JADE2: variants seen among roughly 807,000 people sequenced by gnomAD.
The protein encoded by JADE2 is jade family PHD finger 2.
Under a neutral mutation model 85.7 loss-of-function variants are expected in JADE2, and 13 were observed. The observed-to-expected ratio is 0.15, with a 90% confidence interval of 0.10 to 0.24. The LOEUF is 0.24. Ranked by LOEUF, JADE2 falls within the 10% of genes least tolerant of loss-of-function variation. The pLI is 1.00. For missense variants in JADE2, 846 were observed against 1,115.9 expected, an observed-to-expected ratio of 0.76 and a Z score of 3.45; for synonymous variants, 440 against 456.1, an observed-to-expected ratio of 0.96 and a Z score of 0.45.
rs538029970 is a variant in JADE2, at chr5:134,554,300, G to A, written c.311+2091G>A. The stretch of plus-strand genomic sequence containing the variant: ...GTCTGGGGTCTTCGGAGAATCAGGG[G>A]TGCCCCAGGCCTCTCCAGAAGTGAG... On this transcript the variant is annotated intron_variant, in intron 4 of 11. Transcript: ENST00000681547. Among the ~76,000 whole-genome samples, 20 of 152,258 alleles carry A rather than the reference G, an allele frequency of 1.3e-4. No homozygotes were observed. The South Asian group carries it at 2.7e-3, about 21-fold the overall frequency.
At chr5:134,549,576 G>A (rs1267382403) in intron 3 of JADE2, among the ~76,000 whole-genome samples, 1 of 152,040 alleles carries the variant, frequency 6.6e-6, no homozygotes, top group East Asian at 1.9e-4. Context: ...AGAATCGTTT[G>A]AACCCAGGAG....
At chr5:134,554,720 A>G (rs1377156911) in intron 4 of JADE2, among the ~76,000 whole-genome samples, 1 of 152,010 alleles carries the variant, frequency 6.6e-6, no homozygotes, top group Non-Finnish European at 1.5e-5. Flanking sequence ...GTGCTCCCTT[A>G]GAGACATCTC....
At chr5:134,536,979 T>G (rs970408032) in intron 2 of JADE2, among the ~76,000 whole-genome samples, 9 of 152,198 alleles carry the variant, frequency 5.9e-5, no homozygotes, top group Non-Finnish European at 1.0e-4. Context: ...TCATTTGTTG[T>G]CCTTTGGGCT....
Position 134,578,430 on chromosome 5 carries a change from G to A in JADE2, c.1682-64G>A. On this transcript the variant is annotated intron_variant, in intron 11 of 11. Transcript: ENST00000681547. This position sits in a 1 kb window ranked among gnomAD's most constrained non-coding sequence, Gnocchi z 4.4. The stretch of plus-strand genomic sequence containing the variant: ...CTGGTGGTGTGCTGGGAGCGTCAGT[G>A]GGCTTCCTGAAAGGGTGGGACACAC... 1 of 1,256,510 alleles carries A rather than the reference G, an allele frequency of 8.0e-7. No homozygotes were observed. The allele number at this position is 1,256,510 out of a possible 1,614,324, so 77.8% of individuals were successfully genotyped here.
rs1581483777 is a variant in JADE2, at chr5:134,574,218, T to C, written c.1552+456T>C. 3 of 249,474 alleles carry C rather than the reference T, an allele frequency of 1.2e-5. No homozygotes were observed. The East Asian group carries it at 4.0e-4, about 33-fold the overall frequency. 15.5% of individuals were successfully genotyped at this position (249,474 alleles called of 1,614,324 possible). A position where few individuals can be genotyped will look rare whatever the true frequency, so the allele number is the denominator to read the frequency against. The stretch of plus-strand genomic sequence containing the variant: ...ACAGGACCTGGCTGTTGTTTCTCTC[T>C]GACCCTAACAGGATTTATGCCCTGC... On this transcript the variant is annotated intron_variant, in intron 10 of 11. Coordinates refer to ENST00000681547, the MANE Select transcript of JADE2 (RefSeq NM_001388185.1).
intron 1 of JADE2, chr5:134,526,880 C>T (rs914533906): frequency 1.0e-5 from 6 of 600,758 alleles, no homozygotes; most frequent in African/African-American, 8.0e-5. Flanking sequence ...TGGAAATGTA[C>T]CGGCGGCGGC....
chr5:134,556,267 C>CG (rs935019847), intron 4 of JADE2, among the ~76,000 whole-genome samples: 3 of 152,324 alleles, frequency 2.0e-5, no homozygotes, highest in South Asian at 2.1e-4. Flanking sequence ...TGGCAACCAG[C>CG]GGGGGGTGGG....
intron 1 of JADE2, among the ~76,000 whole-genome samples, chr5:134,527,072 G>T (rs1021842672): frequency 3.9e-5 from 6 of 152,188 alleles, no homozygotes; most frequent in Non-Finnish European, 8.8e-5. Flanking sequence ...ACCCCGTTTG[G>T]GACGCACACA....
rs1025249789 is a variant in JADE2 at position 134,548,192 on chromosome 5, G to C, written c.154-3860G>C. ...GACTGGAGGCCTCGGAACTTGCAAA[G>C]ACCACAGTCGGATTTGCATATTTCA... On this transcript the variant is annotated intron_variant, in intron 3 of 11. Coordinates refer to ENST00000681547, the MANE Select transcript of JADE2 (RefSeq NM_001388185.1). 3.3e-5 allele frequency among the ~76,000 whole-genome samples: 5 copies of C among 152,328 alleles called. No individual in the cohort carries two copies. In the East Asian group the frequency reaches 9.7e-4, roughly 29 times the overall value.
chr5:134,577,117 C>A, intron 11 of JADE2: 1 of 528,826 alleles, frequency 1.9e-6, no homozygotes, highest in South Asian at 2.5e-5. Flanking sequence ...CGTCTGTAGA[C>A]CTGGATGGAG....
intron 4 of JADE2, among the ~76,000 whole-genome samples, chr5:134,555,004 A>G (rs1762825603): frequency 6.6e-6 from 1 of 152,144 alleles, no homozygotes; most frequent in Non-Finnish European, 1.5e-5. Context: ...ACCGGGGCCT[A>G]GTGGGCTGGG....
intron 3 of JADE2, among the ~76,000 whole-genome samples, chr5:134,541,260 G>A (rs1200027124): frequency 1.3e-5 from 2 of 152,378 alleles, no homozygotes; most frequent in African/African-American, 4.8e-5. Flanking sequence ...TCCTCTAAGT[G>A]ACAAGGTTGA....
intron 2 of JADE2, 28 bp from the exon 3 acceptor site, chr5:134,537,961 C>T: frequency 6.4e-7 from 1 of 1,568,708 alleles, no homozygotes; most frequent in Admixed American, 1.7e-5. Context: ...CCCTCCAGGA[C>T]CCCTAATGGA....
chr5:134,543,322 G>A (rs1420721090), intron 3 of JADE2, among the ~76,000 whole-genome samples: 1 of 151,436 alleles, frequency 6.6e-6, no homozygotes, highest in East Asian at 2.0e-4. Context: ...GAGCCACTGT[G>A]CCCCCTAGTA....
chr5:134,526,860 G>T (rs1760862794), intron 1 of JADE2: 3 of 737,066 alleles, frequency 4.1e-6, no homozygotes, highest in South Asian at 6.1e-5. Context: ...GGGGAGAGGC[G>T]CTGGGAGAGT....
At chr5:134,567,773 G>C (rs1033135591) in intron 9 of JADE2, among the ~76,000 whole-genome samples, 2 of 152,232 alleles carry the variant, frequency 1.3e-5, no homozygotes, top group African/African-American at 2.4e-5. Flanking sequence ...CTGCTCAAGA[G>C]GGAAATGACC....
At chr5:134,539,043 T>TTTTATTTATTTATTTA (rs58839611) in intron 3 of JADE2, among the ~76,000 whole-genome samples, 49,386 of 134,164 alleles carry the variant, frequency 0.37, 9,756 homozygotes, top group South Asian at 0.43. Context: ...TTTATTTTTA[T>TTTTATTTATTTATTTA]TTTATTTATT....
intron 1 of JADE2, among the ~76,000 whole-genome samples, chr5:134,527,005 C>T (rs531020534): frequency 1.2e-4 from 18 of 152,338 alleles, no homozygotes; most frequent in African/African-American, 3.6e-4. Context: ...AGTCCCCAGC[C>T]CTCTGCCTAG....
In JADE2 at chr5:134,535,753, C is replaced by T. The variant is rs79548644; in HGVS notation, c.1-105C>T. On this transcript the variant is annotated intron_variant, in intron 1 of 11. Coordinates refer to ENST00000681547, the MANE Select transcript of JADE2 (RefSeq NM_001388185.1). ...AGGACAGGGCTTTATTCTTATCTTT[C>T]TGCAGTGTCATAAGTGTGGGGAGGT... 1.9e-5 allele frequency: 17 copies of T among 904,690 alleles called. No homozygotes were observed. The African/African-American group carries it at 2.8e-4, about 15-fold the overall frequency. The allele number at this position is 904,690 out of a possible 1,614,324, so 56.0% of individuals were successfully genotyped here. A position where few individuals can be genotyped will look rare whatever the true frequency, so the allele number is the denominator to read the frequency against.
Sources: gnomAD v4.1 joint callset for allele counts (sites outside exome capture counted in the v4.1 genomes callset) on GRCh38, gnomAD v4.1.1 for gene constraint, Gnocchi (gnomAD v3.1) non-coding constraint, MANE v1.5 for transcripts, NCBI Gene and HGNC (gene_info 2026-07-23, HGNC 2026-07-21) for gene names.